The following AK5 variants were observed in gnomAD, a reference collection of about 807,000 sequenced individuals.
The protein encoded by AK5 is adenylate kinase isoenzyme 5.
Under a neutral mutation model 69.5 loss-of-function variants are expected in AK5, and 27 were observed. The ratio of observed to expected loss-of-function variants is 0.39; its 90% CI spans 0.29 to 0.54. The LOEUF (loss-of-function observed/expected upper bound fraction) is 0.54. AK5 is among the 20% of genes least tolerant of loss of function. AK5 has a pLI of 0.71. For missense variants in AK5, 531 were observed against 700.4 expected (o/e 0.76, Z 2.73); for synonymous variants, 260 against 244.4 (o/e 1.06, Z -0.60).
At chr1:77,320,280 ACAATT>A (rs1000923402) in intron 5 of AK5, among the ~76,000 whole-genome samples, 2 of 152,164 alleles carry the variant, frequency 1.3e-5, no homozygotes, top group Admixed American at 1.3e-4. Context: ...TTTGGGAACT[ACAATT>A]CAAGATGAGA....
chr1:77,286,591 A>G (rs1658364375), intron 1 of AK5, among the ~76,000 whole-genome samples: 1 of 152,072 alleles, frequency 6.6e-6, no homozygotes, highest in African/African-American at 2.4e-5. Flanking sequence ...TCATGCCTGT[A>G]ATCCCAACAC....
Position 77,297,858 on chromosome 1 carries a change from C to T in AK5, c.610C>T (p.Gln204Ter). Reference sequence around the variant, plus strand: ...GGAAACAACAATTACAGAGATAAAACAAAAATTGATGCAAATACCTGATGA... The same window carrying T: ...GGAAACAACAATTACAGAGATAAAATAAAAATTGATGCAAATACCTGATGA... ...PQETTITEIK[Q>*]KLMQIPDEEG... Residue 204 changes from glutamine (Q) to a stop codon, truncating the protein, a stop_gained, in exon 5 of 14, where the codon CAA (glutamine) becomes TAA (stop). Transcript: ENST00000354567. LOFTEE classifies it high-confidence loss of function. 1 of 1,612,244 alleles carries T rather than the reference C, an allele frequency of 6.2e-7. No homozygotes were observed. The highest frequency in any genetic ancestry group is 8.5e-7 in the Non-Finnish European group (1 of 1,179,480).
At chr1:77,302,436 G>T (rs1248449357) in intron 5 of AK5, among the ~76,000 whole-genome samples, 1 of 151,966 alleles carries the variant, frequency 6.6e-6, no homozygotes, top group African/African-American at 2.4e-5. Context: ...TAGATTGAGG[G>T]TACAAGTGCA....
chr1:77,542,472 C>G (rs1659330025), intron 13 of AK5, among the ~76,000 whole-genome samples: 1 of 152,158 alleles, frequency 6.6e-6, no homozygotes, highest in Admixed American at 6.5e-5. Flanking sequence ...TAGGACCTGA[C>G]TGATATAAAC....
chr1:77,551,248 C>CA (rs1180801100), intron 13 of AK5, among the ~76,000 whole-genome samples: 1 of 146,784 alleles, frequency 6.8e-6, no homozygotes, highest in African/African-American at 2.5e-5. Context: ...CACACACACA[C>CA]CTTCTATAAG....
intron 13 of AK5, among the ~76,000 whole-genome samples, chr1:77,539,426 C>T (rs1659153541): frequency 6.6e-6 from 1 of 152,188 alleles, no homozygotes; most frequent in Non-Finnish European, 1.5e-5. Flanking sequence ...GAGCTTCAGC[C>T]TTCAGGACTC....
At chr1:77,328,410 G>A (rs142570076) in intron 5 of AK5, among the ~76,000 whole-genome samples, 5 of 151,826 alleles carry the variant, frequency 3.3e-5, no homozygotes, top group African/African-American at 1.2e-4. Context: ...TGAGGCAGGA[G>A]AATTGCCTGA....
intron 6 of AK5, among the ~76,000 whole-genome samples, chr1:77,409,382 C>T (rs1649882339): frequency 6.6e-6 from 1 of 152,074 alleles, no homozygotes; most frequent in South Asian, 2.1e-4. Context: ...CCCACCAACA[C>T]AACCTCACTA....
At chr1:77,367,540 A>G (rs1646974115) in intron 6 of AK5, among the ~76,000 whole-genome samples, 1 of 52,094 alleles carries the variant, frequency 1.9e-5, no homozygotes, top group African/African-American at 6.1e-5. Flanking sequence ...TGTTGCCCAG[A>G]CTCATTTATG....
At chr1:77,530,821 G>A (rs1352318380) in intron 12 of AK5, among the ~76,000 whole-genome samples, 1 of 152,104 alleles carries the variant, frequency 6.6e-6, no homozygotes, top group Non-Finnish European at 1.5e-5. Context: ...GGTAAACGTG[G>A]CCTAACCCCC....
intron 5 of AK5, among the ~76,000 whole-genome samples, chr1:77,306,946 A>T (rs1446909831): frequency 6.6e-6 from 1 of 151,882 alleles, no homozygotes; most frequent in Non-Finnish European, 1.5e-5. Context: ...CTTCATTTTC[A>T]TTTCCAATTT....
chr1:77,360,286 T>C (rs1419220805), intron 6 of AK5, among the ~76,000 whole-genome samples: 1 of 151,848 alleles, frequency 6.6e-6, no homozygotes, highest in Non-Finnish European at 1.5e-5. Context: ...AAAATGAGAA[T>C]TGGGATATCA....
intron 6 of AK5, among the ~76,000 whole-genome samples, chr1:77,360,030 G>A (rs1199497332): frequency 6.6e-6 from 1 of 152,198 alleles, no homozygotes; most frequent in Non-Finnish European, 1.5e-5. Context: ...CACAGGAAAA[G>A]AGGTCAAATG....
chr1:77,447,352 G>A (rs1652814391), intron 8 of AK5, among the ~76,000 whole-genome samples: 1 of 152,150 alleles, frequency 6.6e-6, no homozygotes, highest in African/African-American at 2.4e-5. Flanking sequence ...TTCTGAGCAA[G>A]GAATTCAATA....
intron 8 of AK5, among the ~76,000 whole-genome samples, chr1:77,453,392 G>A (rs1653274644): frequency 6.6e-6 from 1 of 152,138 alleles, no homozygotes; most frequent in Non-Finnish European, 1.5e-5. Context: ...GTTTCATATT[G>A]TATATATCCT....
chr1:77,420,657 T>C (rs1650747789), intron 8 of AK5, among the ~76,000 whole-genome samples: 2 of 152,352 alleles, frequency 1.3e-5, no homozygotes, highest in East Asian at 3.9e-4. Flanking sequence ...TAGCAAGCTG[T>C]AGAGTCAGAA....
At chr1:77,323,206 G>A (rs911010341) in intron 5 of AK5, among the ~76,000 whole-genome samples, 2 of 152,014 alleles carry the variant, frequency 1.3e-5, no homozygotes, top group Non-Finnish European at 2.9e-5. Context: ...TGGCCGGACT[G>A]GTCTCAAATG....
At chr1:77,468,562 C>G (rs1654284042) in intron 8 of AK5, among the ~76,000 whole-genome samples, 1 of 152,236 alleles carries the variant, frequency 6.6e-6, no homozygotes, top group African/African-American at 2.4e-5. Context: ...AGAGTTAACT[C>G]TCATGCTTGC....
At chr1:77,514,888 C>A (rs1570290998) in intron 10 of AK5, among the ~76,000 whole-genome samples, 1 of 152,332 alleles carries the variant, frequency 6.6e-6, no homozygotes, top group East Asian at 1.9e-4. Flanking sequence ...GGCTCCCAAC[C>A]ATCCCAGGAA....
Sources: allele counts gnomAD v4.1 joint callset (sites outside exome capture counted in the v4.1 genomes callset), GRCh38; gene constraint gnomAD v4.1.1; transcripts MANE v1.5; gene names NCBI Gene and HGNC (gene_info 2026-07-23, HGNC 2026-07-21).